ATG7: variants seen among roughly 807,000 people sequenced by gnomAD.
ATG7 encodes autophagy related 7.
A neutral mutation model predicts 82.4 loss-of-function variants in ATG7; 70 were observed. The observed-to-expected ratio is 0.85, with a 90% CI of 0.70 to 1.04. The LOEUF (loss-of-function observed/expected upper bound fraction) is 1.04. ATG7 is among the 50% of genes least tolerant of loss of function. The probability of loss-of-function intolerance (pLI) is 0.00; values close to 1 mark genes in which losing one functional copy is unlikely to be tolerated. For missense variants in ATG7, 792 were observed against 864.3 expected, an observed-to-expected ratio of 0.92 and a Z score of 1.05; for synonymous variants, 287 against 313.0, an observed-to-expected ratio of 0.92 and a Z score of 0.88.
intron 18 of ATG7, among the ~76,000 whole-genome samples, chr3:11,377,204 G>A (rs1375891143): frequency 6.6e-6 from 1 of 152,134 alleles, no homozygotes; most frequent in Non-Finnish European, 1.5e-5. Flanking sequence ...TGAGAAGAAG[G>A]GTTTCCTGTC....
intron 20 of ATG7, among the ~76,000 whole-genome samples, chr3:11,481,537 G>A (rs1365663977): frequency 6.6e-6 from 1 of 152,266 alleles, no homozygotes; most frequent in South Asian, 2.1e-4. Flanking sequence ...CCTGTTATGA[G>A]AATATTACCT....
chr3:11,475,907 A>ACACACACACACC (rs766157655), intron 20 of ATG7, among the ~76,000 whole-genome samples: 9 of 146,334 alleles, frequency 6.2e-5, no homozygotes, highest in South Asian at 2.4e-4. Flanking sequence ...ACACACACAC[A>ACACACACACACC]CCCCCTCCCA....
intron 20 of ATG7, among the ~76,000 whole-genome samples, chr3:11,513,900 G>A (rs1009391125): frequency 6.6e-6 from 1 of 152,216 alleles, no homozygotes; most frequent in Non-Finnish European, 1.5e-5. Flanking sequence ...CAGGCACTGG[G>A]TTTCTTTTTT....
intron 20 of ATG7, among the ~76,000 whole-genome samples, chr3:11,435,001 T>C (rs1395038063): frequency 2.6e-5 from 4 of 152,218 alleles, no homozygotes; most frequent in African/African-American, 9.6e-5. Flanking sequence ...AAATTCTTTT[T>C]TTAAGCCTCC....
intron 20 of ATG7, among the ~76,000 whole-genome samples, chr3:11,511,888 G>A (rs370201666): frequency 7.2e-5 from 11 of 152,268 alleles, no homozygotes; most frequent in East Asian, 1.9e-4. Flanking sequence ...TGGCTGCTCC[G>A]AATGCGGGGC....
chr3:11,294,560 T>C (rs771859241), intron 3 of ATG7, among the ~76,000 whole-genome samples: 2 of 152,164 alleles, frequency 1.3e-5, no homozygotes, highest in Non-Finnish European at 2.9e-5. Flanking sequence ...TTATAAAAAT[T>C]CTTTCAAACA....
At chr3:11,561,891 CTTTTTTTTTTTT>C (rs35380668), downstream of ATG7, among the ~76,000 whole-genome samples, 2 of 88,590 alleles carry the variant, frequency 2.3e-5, no homozygotes, top group East Asian at 3.8e-4. Context: ...CTGCGCCAAA[CTTTTTTTTTTTT>C]TTTTTTTTTT....
At position 11,365,911 on chromosome 3, in the gene ATG7, A is replaced by C. The variant is rs556646147; in HGVS notation, c.1875+1177A>C. ...CCTGTTGGTACCCCAGCCCCCTTGC[A>C]CAAAACCACCCATAATAGAACTTGT... is the stretch of plus-strand genomic sequence containing the variant. On this transcript the variant is annotated intron_variant, in intron 18 of 20. Coordinates refer to ENST00000693202, the MANE Select transcript of ATG7 (RefSeq NM_001349232.2). Among the ~76,000 whole-genome samples the C allele has an allele frequency of 2.2e-4, 33 of 152,204 alleles. No individual in the cohort carries two copies. In the East Asian group the frequency reaches 5.6e-3, roughly 26 times the overall value.
At chr3:11,370,806 C>G (rs1438440540) in intron 18 of ATG7, among the ~76,000 whole-genome samples, 1 of 151,062 alleles carries the variant, frequency 6.6e-6, no homozygotes, top group African/African-American at 2.4e-5. Context: ...TTGAATCCAC[C>G]TGATAGGTGT....
chr3:11,277,486 G>A (rs1443952214), intron 1 of ATG7: 1 of 152,356 alleles, frequency 6.6e-6, no homozygotes, highest in Non-Finnish European at 1.5e-5. Context: ...TACAAAGAGA[G>A]GAATTTTACA....
intron 20 of ATG7, among the ~76,000 whole-genome samples, chr3:11,508,855 C>T (rs2091889261): frequency 6.6e-6 from 1 of 152,180 alleles, no homozygotes; most frequent in Non-Finnish European, 1.5e-5. Context: ...TTGTCTCTTG[C>T]TTAAAGCAAA....
At chr3:11,315,980 A>G (rs963218356) in intron 9 of ATG7, among the ~76,000 whole-genome samples, 1 of 152,142 alleles carries the variant, frequency 6.6e-6, no homozygotes, top group African/African-American at 2.4e-5. Flanking sequence ...CGGCCTCCCA[A>G]ACTGCTGGGA....
At chr3:11,356,508 A>G (rs2075944724) in intron 14 of ATG7, among the ~76,000 whole-genome samples, 1 of 152,186 alleles carries the variant, frequency 6.6e-6, no homozygotes, top group Non-Finnish European at 1.5e-5. Flanking sequence ...GACATAACTG[A>G]TGGGCTCTAA....
chr3:11,531,396 G>A (rs1305036221), intron 20 of ATG7, among the ~76,000 whole-genome samples: 1 of 152,172 alleles, frequency 6.6e-6, no homozygotes, highest in Non-Finnish European at 1.5e-5. Flanking sequence ...GCACTGGGGT[G>A]CAACCCACCT....
At position 11,315,343 on chromosome 3, in the gene ATG7, G is replaced by C; in HGVS notation, c.529-1G>C. 6.4e-7 allele frequency: 1 copy of C among 1,555,132 alleles called. No individual in the cohort carries two copies. The highest frequency in any genetic ancestry group is 8.7e-7 in the Non-Finnish European group (1 of 1,152,804). On this transcript the variant is annotated splice_acceptor_variant, in intron 8 of 20. Coordinates refer to ENST00000693202, the MANE Select transcript of ATG7 (RefSeq NM_001349232.2). LOFTEE classifies it high-confidence loss of function. ...AATAACAACGTGTTTTCTGTTTTCA[G>C]ATTGAAGCACTAGAGTGTGCATATG...
chr3:11,450,044 T>G (rs1397587311), intron 20 of ATG7, among the ~76,000 whole-genome samples: 2 of 152,224 alleles, frequency 1.3e-5, no homozygotes, highest in Non-Finnish European at 2.9e-5. Context: ...CAGGGTGGTC[T>G]GTTTCTTCTT....
At chr3:11,508,740 C>G (rs2091883055) in intron 20 of ATG7, among the ~76,000 whole-genome samples, 1 of 152,166 alleles carries the variant, frequency 6.6e-6, no homozygotes, top group South Asian at 2.1e-4. Flanking sequence ...TGTCAGCTAC[C>G]ATGCACAGCC....
chr3:11,318,492 T>A (rs1008289861), intron 9 of ATG7, among the ~76,000 whole-genome samples: 1 of 152,216 alleles, frequency 6.6e-6, no homozygotes, highest in African/African-American at 2.4e-5. Context: ...GATGGCCTCA[T>A]AGGAGTTTTA....
At chr3:11,344,741 G>C (rs781664351) in intron 13 of ATG7, among the ~76,000 whole-genome samples, 2 of 152,052 alleles carry the variant, frequency 1.3e-5, no homozygotes, top group Non-Finnish European at 2.9e-5. Context: ...GTAGTGGCGC[G>C]TGCCTGTAGT....
Sources: gnomAD v4.1 joint callset for allele counts (sites outside exome capture counted in the v4.1 genomes callset) on GRCh38, gnomAD v4.1.1 for gene constraint, MANE v1.5 for transcripts, NCBI Gene and HGNC (gene_info 2026-07-23, HGNC 2026-07-21) for gene names.